Variants in TICRR observed in about 807,000 individuals in gnomAD.
TICRR encodes the protein treslin.
In TICRR, 132 loss-of-function variants were observed where a neutral mutation model predicts 178.1. The ratio of observed to expected loss-of-function variants is 0.74; its 90% CI spans 0.64 to 0.86. The LOEUF is 0.86. Among genes scored for constraint, TICRR ranks in the 40% least tolerant of loss-of-function variants. TICRR has a pLI of 0.00. For missense variants in TICRR, 2,587 were observed against 2,334.3 expected (o/e 1.11, Z -2.23); for synonymous variants, 991 against 900.7 (o/e 1.10, Z -1.79).
chr15:89,606,336 C>G (rs1186742326), intron 13 of TICRR, among the ~76,000 whole-genome samples: 5 of 152,174 alleles, frequency 3.3e-5, no homozygotes, highest in Non-Finnish European at 5.9e-5. Flanking sequence ...GGAACATTTG[C>G]ATTACATGTA....
chr15:89,614,672 G>C (rs541571195), intron 15 of TICRR, among the ~76,000 whole-genome samples: 38 of 152,270 alleles, frequency 2.5e-4, no homozygotes, highest in Non-Finnish European at 4.9e-4. Context: ...GTAACAATCA[G>C]ATCCACCCCA....
Position 89,625,102 on chromosome 15 carries a change from G to A in TICRR, c.4792G>A (p.Glu1598Lys), listed in dbSNP as rs2141985600. The A allele has an allele frequency of 6.2e-7, 1 of 1,613,820 alleles. No homozygotes were observed. The highest frequency in any genetic ancestry group is 8.5e-7 in the Non-Finnish European group (1 of 1,179,886). Residue 1598 changes from glutamate to lysine, a missense_variant, in exon 20 of 22, where the codon GAA becomes AAA. Transcript: ENST00000268138. ...PLSKEESSLG[E>K]ESFLPALSMP... Reference sequence around the variant, plus strand: ...CAGCAAGGAGGAGAGCTCTCTGGGAGAAGAGAGCTTCCTCCCTGCTCTCAG... The same window carrying A: ...CAGCAAGGAGGAGAGCTCTCTGGGAAAAGAGAGCTTCCTCCCTGCTCTCAG...
chr15:89,583,027 A>G, intron 2 of TICRR, 62 bp downstream of exon 2: 1 of 1,486,524 alleles, frequency 6.7e-7, no homozygotes, highest in Non-Finnish European at 9.0e-7. Flanking sequence ...AATTTCTTCA[A>G]AGAAGCTTTT....
At chr15:89,595,062 C>G (rs1362287216) in intron 6 of TICRR, among the ~76,000 whole-genome samples, 1 of 152,178 alleles carries the variant, frequency 6.6e-6, no homozygotes, top group African/African-American at 2.4e-5. Context: ...AATTGTCATT[C>G]AGAAATTTTC....
intron 13 of TICRR, among the ~76,000 whole-genome samples, chr15:89,603,183 CTAAAA>C (rs1232634627): frequency 6.6e-6 from 1 of 152,082 alleles, no homozygotes; most frequent in African/African-American, 2.4e-5. Flanking sequence ...AAAACAATAA[CTAAAA>C]TAAGCAAAGC....
intron 16 of TICRR, among the ~76,000 whole-genome samples, chr15:89,617,848 C>T (rs957612206): frequency 2.0e-5 from 3 of 152,092 alleles, no homozygotes; most frequent in East Asian, 1.9e-4. Context: ...CATGCCACCA[C>T]GCCCAGCTAA....
chr15:89,591,257 A>G (rs1257958759), intron 4 of TICRR, among the ~76,000 whole-genome samples: 1 of 152,100 alleles, frequency 6.6e-6, no homozygotes, highest in African/African-American at 2.4e-5. Flanking sequence ...CCGAATAGCT[A>G]GGAATACAGG....
intron 5 of TICRR, among the ~76,000 whole-genome samples, chr15:89,593,479 G>C (rs1379530581): frequency 1.3e-5 from 2 of 152,146 alleles, no homozygotes; most frequent in African/African-American, 4.8e-5. Flanking sequence ...CCAAGCCAGT[G>C]AATCTCTTGA....
In TICRR at chr15:89,601,927, G is replaced by C. The variant is rs1459134033; in HGVS notation, c.2518G>C (p.Glu840Gln). The C allele has an allele frequency of 6.2e-7, 1 of 1,614,124 alleles. No homozygotes were observed. Among genetic ancestry groups the C allele is most frequent in the South Asian group, 1.1e-5 (1 of 91,082 alleles). The change falls in exon 12 of 22, where the codon GAA becomes CAA. Residue 840 changes from glutamate to glutamine, a missense_variant. Physicochemically the swap from Glu to Gln is conservative, Grantham distance 29. Transcript: ENST00000268138. The part of the protein sequence containing the change: ...SARRSVSGSP[E>Q]SDELQELRTR... ...TCGTAGATCAGTGTCAGGCAGCCCTGAATCTGATGAACTGCAGGAACTTCG... is the reference window on the plus strand; with the variant it reads ...TCGTAGATCAGTGTCAGGCAGCCCTCAATCTGATGAACTGCAGGAACTTCG...
In TICRR at chr15:89,627,877, G is replaced by C. The variant is rs1963564635; in HGVS notation, c.*791G>C. On this transcript the variant is annotated 3_prime_UTR_variant, in exon 22 of 22. Transcript: ENST00000268138. The stretch of plus-strand genomic sequence containing the variant: ...TAACGGTGAGGGCTGACTCTGAACT[G>C]TCTCTCAGTCTCCAGAAAGTGTTCA... 2 of 152,830 alleles carry C rather than the reference G, an allele frequency of 1.3e-5. No homozygotes were observed. The highest frequency in any genetic ancestry group is 6.5e-5 in the Admixed American group (1 of 15,334). The allele number at this position is 152,830 out of a possible 1,614,324, so 9.5% of individuals were successfully genotyped here.
chr15:89,596,425 C>T (rs562969291), intron 7 of TICRR, among the ~76,000 whole-genome samples: 1 of 152,270 alleles, frequency 6.6e-6, no homozygotes, highest in East Asian at 1.9e-4. Context: ...TGGCTCACTG[C>T]AACCTCTGCC....
At chr15:89,590,858 T>G (rs1339553453) in intron 4 of TICRR, among the ~76,000 whole-genome samples, 2 of 152,154 alleles carry the variant, frequency 1.3e-5, no homozygotes, top group African/African-American at 4.8e-5. Context: ...AGTATTTGGG[T>G]TTTTTTCCCC....
chr15:89,593,478 T>C (rs1466766391), intron 5 of TICRR, among the ~76,000 whole-genome samples: 2 of 152,128 alleles, frequency 1.3e-5, no homozygotes, highest in African/African-American at 4.8e-5. Flanking sequence ...GCCAAGCCAG[T>C]GAATCTCTTG....
At chr15:89,576,819 G>A (rs1200071578) in intron 1 of TICRR, among the ~76,000 whole-genome samples, 7 of 7,106 alleles carry the variant, frequency 9.9e-4, no homozygotes, top group Non-Finnish European at 1.7e-3. Flanking sequence ...GTATGTGTGT[G>A]TGTATATATA....
intron 17 of TICRR, among the ~76,000 whole-genome samples, chr15:89,618,734 G>A (rs1452155876): frequency 6.6e-6 from 1 of 152,242 alleles, no homozygotes; most frequent in East Asian, 1.9e-4. Flanking sequence ...GCCAAGTGGG[G>A]AGGATCACTG....
chr15:89,622,122 A>C (rs1963437048), intron 19 of TICRR, among the ~76,000 whole-genome samples: 1 of 151,466 alleles, frequency 6.6e-6, no homozygotes, highest in Admixed American at 6.6e-5. Context: ...AGTAGCTAGG[A>C]TTACAGGCAC....
chr15:89,595,242 G>A, intron 6 of TICRR, 151 bp from the exon 7 acceptor site: 2 of 636,566 alleles, frequency 3.1e-6, no homozygotes, highest in Admixed American at 2.9e-5. Context: ...TGTGTGGGCA[G>A]AAAGAGATGC....
In TICRR at chr15:89,594,553, A is replaced by G; in HGVS notation, c.1680A>G (p.Lys560=). The G allele has an allele frequency of 1.9e-6, 3 of 1,585,480 alleles. No homozygotes were observed. The highest frequency in any genetic ancestry group is 2.6e-6 in the Non-Finnish European group (3 of 1,165,832). The change falls in exon 6 of 22, where the codon AAA becomes AAG. Residue 560 remains lysine, a splice_region_variant and synonymous_variant. Transcript: ENST00000268138. ...CTCATCAAGAAGACAGCAAAAAGAA[A>G]CGTATGTACCTAGAAAGGCTGTTTC... is the stretch of plus-strand genomic sequence containing the variant. The part of the protein sequence containing the change: ...TIAHQEDSKK[K]RGVPRTPVRQ...
chr15:89,596,211 C>G (rs1395120439), intron 7 of TICRR, among the ~76,000 whole-genome samples: 2 of 152,140 alleles, frequency 1.3e-5, no homozygotes. Flanking sequence ...CAACTAGATA[C>G]CTTTATGGAA....
Sources: allele counts gnomAD v4.1 joint callset (sites outside exome capture counted in the v4.1 genomes callset), GRCh38; gene constraint gnomAD v4.1.1; transcripts MANE v1.5; gene names NCBI Gene and HGNC (gene_info 2026-07-23, HGNC 2026-07-21).